Variants in ROBO2 observed in about 807,000 individuals in gnomAD.
The protein encoded by ROBO2 is roundabout guidance receptor 2.
ROBO2 carries 53 observed loss-of-function variants against 160.8 expected under a neutral mutation model. The observed-to-expected ratio is 0.33, with a 90% confidence interval of 0.26 to 0.41. The LOEUF (loss-of-function observed/expected upper bound fraction) is 0.41, where lower values mean the gene tolerates loss of function less well. Ranked by LOEUF, ROBO2 falls within the 10% of genes least tolerant of loss-of-function variation. ROBO2 has a pLI of 1.00. For missense variants in ROBO2, 1,577 were observed against 1,722.4 expected (o/e 0.92, Z 1.49); for synonymous variants, 664 against 611.7 (o/e 1.09, Z -1.26).
At chr3:77,344,215 T>C (rs1440423537) in intron 2 of ROBO2, among the ~76,000 whole-genome samples, 2 of 152,146 alleles carry the variant, frequency 1.3e-5, no homozygotes. Flanking sequence ...GAGTCAGCCA[T>C]GTGAAGATCC....
intron 2 of ROBO2, among the ~76,000 whole-genome samples, chr3:77,335,695 G>A (rs1002267821): frequency 6.6e-5 from 10 of 152,120 alleles, no homozygotes; most frequent in South Asian, 2.1e-4. Flanking sequence ...CAAGTGTTAG[G>A]TTATTCTCTG....
intron 2 of ROBO2, among the ~76,000 whole-genome samples, chr3:76,770,324 AG>A (rs1277934628): frequency 6.6e-6 from 1 of 151,334 alleles, no homozygotes; most frequent in Non-Finnish European, 1.5e-5. Flanking sequence ...ATAATTTCTC[AG>A]TGAAAATACT....
At chr3:77,596,687 A>T in exon 19 of ROBO2, 1 of 1,613,976 alleles carries the variant, frequency 6.2e-7, no homozygotes, top group South Asian at 1.1e-5. Context: ...TTGGCCAGCC[A>T]CGAGCTTGCC....
At chr3:77,295,744 A>AGCT in intron 2 of ROBO2, among the ~76,000 whole-genome samples, 1 of 151,612 alleles carries the variant, frequency 6.6e-6, no homozygotes, top group Non-Finnish European at 1.5e-5. Flanking sequence ...TAAACGGGTA[A>AGCT]GCTGAGGCTA....
At chr3:77,168,796 C>G (rs989383567) in intron 2 of ROBO2, among the ~76,000 whole-genome samples, 2 of 152,250 alleles carry the variant, frequency 1.3e-5, no homozygotes, top group East Asian at 3.9e-4. Flanking sequence ...TGCTTTCTAC[C>G]GAATGTGAAT....
chr3:77,642,591 A>T (rs557484738), intron 24 of ROBO2, 80 bp from the exon 26 acceptor site: 2 of 400,184 alleles, frequency 5.0e-6, no homozygotes, highest in Non-Finnish European at 9.8e-6. Context: ...TATAAGGGCA[A>T]AGATTTTCTT....
At chr3:77,417,925 A>G (rs1307685073) in intron 2 of ROBO2, among the ~76,000 whole-genome samples, 2 of 151,494 alleles carry the variant, frequency 1.3e-5, no homozygotes, top group Non-Finnish European at 3.0e-5. Flanking sequence ...CATGTTACAT[A>G]TTTTTTAAAG....
intron 2 of ROBO2, among the ~76,000 whole-genome samples, chr3:76,431,694 C>T (rs538906493): frequency 6.6e-6 from 1 of 152,070 alleles, no homozygotes; most frequent in Non-Finnish European, 1.5e-5. Context: ...ATGAGTATTT[C>T]GTGACACCAA....
chr3:76,834,014 C>CTTTCTTTCTCTCTTTTCT (rs1298031937), intron 2 of ROBO2, among the ~76,000 whole-genome samples: 1 of 19,204 alleles, frequency 5.2e-5, no homozygotes, highest in Non-Finnish European at 1.5e-4. Flanking sequence ...TCTTTCTTTC[C>CTTTCTTTCTCTCTTTTCT]TTTCTTTCTT....
chr3:77,244,709 C>G (rs1173896487), intron 2 of ROBO2, among the ~76,000 whole-genome samples: 1 of 151,864 alleles, frequency 6.6e-6, no homozygotes, highest in Non-Finnish European at 1.5e-5. Flanking sequence ...GAAACCCCAT[C>G]TCTACTAAAA....
chr3:76,096,798 T>A (rs1284801506), intron 2 of ROBO2, among the ~76,000 whole-genome samples: 1 of 152,190 alleles, frequency 6.6e-6, no homozygotes, highest in Non-Finnish European at 1.5e-5. Flanking sequence ...TACAACAATG[T>A]AACTATGTAA....
chr3:75,910,794 TTAAAA>T (rs1414197231), intron 1 of ROBO2, among the ~76,000 whole-genome samples: 1 of 152,152 alleles, frequency 6.6e-6, no homozygotes, highest in East Asian at 1.9e-4. Flanking sequence ...TTTTTGATTC[TTAAAA>T]TAGGATATAT....
chr3:76,263,668 C>T (rs2107602783), intron 2 of ROBO2, among the ~76,000 whole-genome samples: 1 of 152,174 alleles, frequency 6.6e-6, no homozygotes, highest in Non-Finnish European at 1.5e-5. Context: ...ATTGCAATGA[C>T]AAAATGGGAC....
At chr3:76,863,437 C>CAAA (rs1295026229) in intron 2 of ROBO2, among the ~76,000 whole-genome samples, 12 of 107,544 alleles carry the variant, frequency 1.1e-4, no homozygotes, top group African/African-American at 4.2e-4. Context: ...GAACCTGTCT[C>CAAA]AAAAAAAAAG....
At chr3:77,124,526 AC>A (rs932881127) in intron 2 of ROBO2, among the ~76,000 whole-genome samples, 4 of 152,076 alleles carry the variant, frequency 2.6e-5, no homozygotes, top group Non-Finnish European at 5.9e-5. Flanking sequence ...ATATTCAGGA[AC>A]CTTTGAAAAT....
At chr3:76,769,952 T>C (rs1441159162) in intron 2 of ROBO2, among the ~76,000 whole-genome samples, 1 of 151,484 alleles carries the variant, frequency 6.6e-6, no homozygotes, top group Non-Finnish European at 1.5e-5. Context: ...TATTTTCCAT[T>C]CTTGAATAAT....
At chr3:76,014,004 GGTT>G (rs2066306214) in intron 2 of ROBO2, among the ~76,000 whole-genome samples, 25 of 112,192 alleles carry the variant, frequency 2.2e-4, no homozygotes, top group Admixed American at 5.0e-4. Context: ...TGGGCATGGT[GGTT>G]TATGCGTGTA....
intron 2 of ROBO2, among the ~76,000 whole-genome samples, chr3:77,385,476 C>T (rs1247096077): frequency 1.3e-5 from 2 of 152,166 alleles, no homozygotes; most frequent in Non-Finnish European, 2.9e-5. Context: ...ACCCAAGCGA[C>T]ATTTTTGTGT....
intron 2 of ROBO2, among the ~76,000 whole-genome samples, chr3:76,523,365 C>T (rs1383072526): frequency 6.6e-6 from 1 of 152,042 alleles, no homozygotes; most frequent in Non-Finnish European, 1.5e-5. Flanking sequence ...TACCTTCCTT[C>T]TGTTACTTGG....
Sources: allele counts gnomAD v4.1 joint callset (sites outside exome capture counted in the v4.1 genomes callset), GRCh38; gene constraint gnomAD v4.1.1; transcripts MANE v1.5; gene names NCBI Gene and HGNC (gene_info 2026-07-23, HGNC 2026-07-21).